CASK: variants seen among roughly 807,000 people sequenced by gnomAD.
CASK encodes the protein peripheral plasma membrane protein CASK.
CASK carries 4 observed loss-of-function variants against 82.9 expected under a neutral mutation model. That is an observed-to-expected ratio of 0.05 (90% CI 0.02 to 0.11). The LOEUF is 0.11. Ranked by LOEUF, CASK falls within the 10% of genes least tolerant of loss-of-function variation. The pLI, the probability that CASK is intolerant of heterozygous loss-of-function variation, is 1.00. For synonymous variants in CASK, 259 were observed against 253.5 expected, an observed-to-expected ratio of 1.02 and a Z score of -0.20; for missense variants, 358 against 720.9, an observed-to-expected ratio of 0.50 and a Z score of 5.76.
At chrX:41,742,827 G>A (rs888599090) in intron 4 of CASK, among the ~76,000 whole-genome samples, 2 of 111,454 alleles carry the variant, frequency 1.8e-5, no homozygotes, top group African/African-American at 6.5e-5. Context: ...CTGAGTCCCC[G>A]CCTACTTTTT....
chrX:41,744,105 G>A (rs999380851), intron 4 of CASK, among the ~76,000 whole-genome samples: 6 of 107,106 alleles, frequency 5.6e-5, no homozygotes, highest in Admixed American at 1.0e-4. Context: ...GTGAGACTCC[G>A]TCCCCCGCCG....
At chrX:41,866,345 C>A (rs1569472587) in intron 1 of CASK, among the ~76,000 whole-genome samples, 1 of 112,364 alleles carries the variant, frequency 8.9e-6, no homozygotes, top group Non-Finnish European at 1.9e-5. Flanking sequence ...GCTTTTTGTT[C>A]TGCTTTCTTT....
intron 11 of CASK, among the ~76,000 whole-genome samples, chrX:41,619,570 T>C (rs1386283029): frequency 2.7e-5 from 3 of 112,401 alleles, no homozygotes; most frequent in Non-Finnish European, 5.6e-5. Flanking sequence ...TTAAAAAATG[T>C]TTCTATTTCT....
chrX:41,585,817 G>A (rs892887480), intron 14 of CASK: 16 of 109,122 alleles, frequency 1.5e-4, no homozygotes, highest in African/African-American at 5.3e-4. Context: ...TAACTCACAG[G>A]TAATTGCTTT....
chrX:41,730,384 C>A (rs1260854463), intron 5 of CASK, among the ~76,000 whole-genome samples: 2 of 111,509 alleles, frequency 1.8e-5, no homozygotes, highest in East Asian at 2.8e-4. Flanking sequence ...CACACACACA[C>A]AAAAACCCAG....
chrX:41,686,389 C>G (rs1466903323), intron 5 of CASK, among the ~76,000 whole-genome samples: 3 of 109,550 alleles, frequency 2.7e-5, no homozygotes, highest in African/African-American at 6.6e-5. Context: ...CCACACCTGG[C>G]CTTTTCTTTC....
chrX:41,876,506 A>T (rs1250403951), intron 1 of CASK, among the ~76,000 whole-genome samples: 1 of 111,643 alleles, frequency 9.0e-6, no homozygotes, highest in East Asian at 2.8e-4. Context: ...AGAAGCAAAT[A>T]TTCACTTATT....
intron 5 of CASK, among the ~76,000 whole-genome samples, chrX:41,684,406 G>A (rs1215625785): frequency 8.9e-6 from 1 of 111,912 alleles, no homozygotes; most frequent in Non-Finnish European, 1.9e-5. Flanking sequence ...AACCCAAAGA[G>A]GGACATTCTA....
rs367725188 is a variant in CASK at position 41,542,684 on chromosome X, T to C, written c.2155+7A>G. 2.7e-6 allele frequency: 3 copies of C among 1,125,892 alleles called. No homozygotes were observed. The highest frequency in any genetic ancestry group is 3.7e-6 in the Non-Finnish European group (3 of 818,552). The allele number at this position is 1,125,892 out of a possible 1,213,427, so 92.8% of individuals were successfully genotyped here. On this transcript the variant is annotated splice_region_variant and intron_variant, in intron 22 of 26. Coordinates refer to ENST00000378163, the MANE Select transcript of CASK (RefSeq NM_001367721.1). ...CCAGCCTCAGTAACAGTTGTGCTTT[T>C]CCCTACCTGCATTGTGCTTTGCCAA...
chrX:41,664,453 T>C (rs949062489), intron 7 of CASK, among the ~76,000 whole-genome samples: 8 of 111,192 alleles, frequency 7.2e-5, no homozygotes, highest in Non-Finnish European at 1.1e-4. Context: ...AGTGATGAGG[T>C]TGAATAGAAA....
intron 21 of CASK, among the ~76,000 whole-genome samples, chrX:41,547,442 G>A (rs1423620106): frequency 4.5e-5 from 5 of 110,614 alleles, no homozygotes; most frequent in African/African-American, 1.6e-4. Flanking sequence ...ATGTCTCTCT[G>A]TCCTTTGTAT....
rs1049571764 is a variant in CASK, at chrX:41,843,963, A to G, written c.172+9152T>C. Among the ~76,000 whole-genome samples, 3 of 111,876 alleles carry G rather than the reference A, an allele frequency of 2.7e-5. No homozygotes were observed. The Admixed American group carries it at 2.8e-4, about 11-fold the overall frequency. On this transcript the variant is annotated intron_variant, in intron 2 of 26. Transcript: ENST00000378163. ...GACATTTGGGTTCTATCTTCCAGCTATTATGAATAATGCTGCTATGAACAT... is the reference window on the plus strand; with the variant it reads ...GACATTTGGGTTCTATCTTCCAGCTGTTATGAATAATGCTGCTATGAACAT...
At chrX:41,572,411 T>G (rs1460600079) in intron 15 of CASK, among the ~76,000 whole-genome samples, 1 of 111,738 alleles carries the variant, frequency 8.9e-6, no homozygotes, top group African/African-American at 3.3e-5. Context: ...TTGTATTATT[T>G]TTTATTCTGT....
intron 2 of CASK, among the ~76,000 whole-genome samples, chrX:41,821,260 T>C (rs961855337): frequency 5.2e-4 from 58 of 111,421 alleles, no homozygotes; most frequent in African/African-American, 1.8e-3. Flanking sequence ...CAATGAAAAA[T>C]AGACATCGGT....
At chrX:41,533,366 C>T (rs908705092) in intron 24 of CASK, among the ~76,000 whole-genome samples, 6 of 112,405 alleles carry the variant, frequency 5.3e-5, no homozygotes, top group Non-Finnish European at 1.1e-4. Context: ...ATTAAAAGAA[C>T]ACTTCAAAGT....
At chrX:41,688,839 G>T (rs1361960187) in intron 5 of CASK, 3 of 107,399 alleles carry the variant, frequency 2.8e-5, no homozygotes, top group Non-Finnish European at 5.8e-5. Context: ...GCTTAAAGTT[G>T]TTCCATGGTA....
chrX:41,695,341 G>A (rs778915841), intron 5 of CASK, among the ~76,000 whole-genome samples: 50 of 103,303 alleles, frequency 4.8e-4, no homozygotes, highest in Admixed American at 1.7e-3. Flanking sequence ...AAAGAGATGG[G>A]GTCTTGTTCT....
intron 2 of CASK, among the ~76,000 whole-genome samples, chrX:41,844,064 T>C (rs2071100790): frequency 8.9e-6 from 1 of 111,844 alleles, no homozygotes; most frequent in South Asian, 3.7e-4. Context: ...GGCTGGGTCA[T>C]ATAACCTTAG....
intron 2 of CASK, among the ~76,000 whole-genome samples, chrX:41,846,019 C>T (rs2071147886): frequency 9.0e-6 from 1 of 111,169 alleles, no homozygotes; most frequent in African/African-American, 3.3e-5. Flanking sequence ...TTTGGAGGTT[C>T]CTCAAAAAAC....
Sources: gnomAD v4.1 joint callset for allele counts (sites outside exome capture counted in the v4.1 genomes callset) on GRCh38, gnomAD v4.1.1 for gene constraint, MANE v1.5 for transcripts, NCBI Gene and HGNC (gene_info 2026-07-23, HGNC 2026-07-21) for gene names.